Variants in DAPK1 observed in about 807,000 individuals in gnomAD.
DAPK1 encodes the protein death associated protein kinase 1, also known as death-associated protein kinase 1.
In DAPK1, 56 loss-of-function variants were observed where a neutral mutation model predicts 144.9. The observed-to-expected ratio is 0.39, with a 90% CI of 0.31 to 0.48. DAPK1 has a LOEUF of 0.48. Ranked by LOEUF, DAPK1 falls within the 20% of genes least tolerant of loss-of-function variation. The pLI, the probability that DAPK1 is intolerant of heterozygous loss-of-function variation, is 0.95. For missense variants in DAPK1, 1,454 were observed against 1,875.4 expected (o/e 0.78, Z 4.15); for synonymous variants, 690 against 749.0 (o/e 0.92, Z 1.29).
intron 19 of DAPK1, 32 bp downstream of exon 19, chr9:87,668,706 C>G (rs924052406): frequency 4.3e-6 from 4 of 934,194 alleles, no homozygotes; most frequent in Non-Finnish European, 7.2e-6. Flanking sequence ...CTGAAGTTCT[C>G]TACCTGTGTT....
chr9:87,662,108 G>C (rs1380308179), intron 18 of DAPK1, among the ~76,000 whole-genome samples: 1 of 152,146 alleles, frequency 6.6e-6, no homozygotes. Flanking sequence ...GTTCTTATCA[G>C]TTTTGTCAGA....
intron 14 of DAPK1, among the ~76,000 whole-genome samples, chr9:87,647,839 A>G (rs555190647): frequency 1.3e-5 from 2 of 152,360 alleles, no homozygotes; most frequent in African/African-American, 4.8e-5. Flanking sequence ...ACATAAAGTA[A>G]TAAAGTAAGG....
At chr9:87,599,588 A>G (rs1828439683) in intron 2 of DAPK1, among the ~76,000 whole-genome samples, 1 of 152,230 alleles carries the variant, frequency 6.6e-6, no homozygotes, top group Non-Finnish European at 1.5e-5. Context: ...TCTGACCATG[A>G]GTAGTTAATA....
At chr9:87,608,738 T>C (rs966540762) in intron 3 of DAPK1, among the ~76,000 whole-genome samples, 2 of 152,216 alleles carry the variant, frequency 1.3e-5, no homozygotes, top group African/African-American at 4.8e-5. Context: ...GCGATCTCAC[T>C]AGGAACAGCT....
chr9:87,618,718 C>T (rs906022071), intron 3 of DAPK1, among the ~76,000 whole-genome samples: 1 of 150,882 alleles, frequency 6.6e-6, no homozygotes, highest in African/African-American at 2.4e-5. Context: ...TCTGTGGAGA[C>T]ACAAAGTAGC....
chr9:87,707,408 C>G lies in DAPK1; in HGVS notation c.*44C>G, dbSNP rs1272631706. The G allele has an allele frequency of 7.3e-7, 1 of 1,371,398 alleles. No homozygotes were observed. Among genetic ancestry groups the G allele is most frequent in the Non-Finnish European group, 1.0e-6 (1 of 987,698 alleles). 85.0% of individuals were successfully genotyped at this position (1,371,398 alleles called of 1,614,324 possible). ...GCAGGGTCTGTTTGGACTGCAGAAG[C>G]AAGGGGGTGATGTAGCCCATCCTTC... is the stretch of plus-strand genomic sequence containing the variant. On this transcript the variant is annotated 3_prime_UTR_variant, in exon 26 of 26. Coordinates refer to ENST00000408954, the MANE Select transcript of DAPK1 (RefSeq NM_004938.4). This position sits in a 1 kb window ranked among gnomAD's most constrained non-coding sequence, Gnocchi z 4.0.
At position 87,605,031 on chromosome 9, in the gene DAPK1, G is replaced by T; in HGVS notation, c.140G>T (p.Arg47Met). The change falls in exon 3 of 26, where the codon AGG becomes ATG. Residue 47 changes from arginine (R) to methionine (M), a missense_variant. Arg to Met is a moderately conservative substitution (Grantham distance 91). Around this residue, in one of 2 missense-constraint regions of DAPK1, gnomAD observed 429 missense variants for 637.5 expected, o/e 0.67. Coordinates refer to ENST00000408954, the MANE Select transcript of DAPK1 (RefSeq NM_004938.4). ...LQYAAKFIKKRRTKSSRRGVS... is the reference protein window; with the variant it reads ...LQYAAKFIKKMRTKSSRRGVS... ...TATGCCGCCAAATTCATCAAGAAAA[G>T]GAGGACTAAGTCCAGCCGGCGGGGT... 2 of 1,614,224 alleles carry T rather than the reference G, an allele frequency of 1.2e-6. No homozygotes were observed. The highest frequency in any genetic ancestry group is 1.7e-6 in the Non-Finnish European group (2 of 1,180,034).
At chr9:87,578,293 A>G (rs533246134) in intron 2 of DAPK1, among the ~76,000 whole-genome samples, 1 of 152,208 alleles carries the variant, frequency 6.6e-6, no homozygotes, top group South Asian at 2.1e-4. Flanking sequence ...TGCATTTTTA[A>G]CCGAATATTA....
chr9:87,694,522 G>A (rs1372672835), intron 21 of DAPK1, among the ~76,000 whole-genome samples: 1 of 152,236 alleles, frequency 6.6e-6, no homozygotes, highest in African/African-American at 2.4e-5. Flanking sequence ...ACTGGGAAGA[G>A]TGGTCCTGCT....
chr9:87,596,942 T>C (rs1828338808), intron 2 of DAPK1, among the ~76,000 whole-genome samples: 3 of 152,138 alleles, frequency 2.0e-5, no homozygotes, highest in Admixed American at 2.0e-4. Context: ...GCTGGACCTA[T>C]AGCCATCTGA....
chr9:87,596,409 G>A (rs546392190), intron 2 of DAPK1, among the ~76,000 whole-genome samples: 108 of 152,348 alleles, frequency 7.1e-4, no homozygotes, highest in African/African-American at 2.5e-3. Flanking sequence ...AAAGTTGGAG[G>A]CCAGCAATAA....
At chr9:87,541,163 T>C (rs1002147857) in intron 2 of DAPK1, among the ~76,000 whole-genome samples, 1 of 152,214 alleles carries the variant, frequency 6.6e-6, no homozygotes, top group Non-Finnish European at 1.5e-5. Context: ...TATTGGTTCC[T>C]ACTTTTATTC....
chr9:87,662,794 T>C (rs1003190620), intron 18 of DAPK1, among the ~76,000 whole-genome samples: 6 of 152,048 alleles, frequency 3.9e-5, no homozygotes, highest in African/African-American at 1.5e-4. Context: ...ACTTCCTCTT[T>C]TCCAATTTGG....
At chr9:87,515,394 A>G (rs966606308) in intron 2 of DAPK1, among the ~76,000 whole-genome samples, 1 of 152,208 alleles carries the variant, frequency 6.6e-6, no homozygotes, top group Admixed American at 6.5e-5. Flanking sequence ...GCTTAAAGAG[A>G]TTAAATAATT....
At chr9:87,612,559 T>C (rs954680380) in intron 3 of DAPK1, among the ~76,000 whole-genome samples, 3 of 152,216 alleles carry the variant, frequency 2.0e-5, no homozygotes, top group Admixed American at 2.0e-4. Context: ...CCACCCCATG[T>C]GTGGTCCTTT....
At chr9:87,579,024 C>G (rs1167401017) in intron 2 of DAPK1, among the ~76,000 whole-genome samples, 1 of 152,154 alleles carries the variant, frequency 6.6e-6, no homozygotes, top group Non-Finnish European at 1.5e-5. Flanking sequence ...TCATAAAGGC[C>G]CTTAATAAAT....
chr9:87,676,019 G>A (rs9410940), intron 19 of DAPK1, among the ~76,000 whole-genome samples: 67,632 of 151,808 alleles, frequency 0.45, 17,317 homozygotes, highest in South Asian at 0.62. Flanking sequence ...CACCCTGGAT[G>A]CCCCAGGTCT....
In DAPK1 at chr9:87,672,307, A is replaced by G. The variant is rs143759825; in HGVS notation, c.2001+3633A>G. 8.3e-3 allele frequency among the ~76,000 whole-genome samples: 1,267 copies of G among 152,324 alleles called. 12 individuals carry two copies. Among genetic ancestry groups the G allele is most frequent in the Non-Finnish European group, 0.012 (850 of 68,026 alleles). On this transcript the variant is annotated intron_variant, in intron 19 of 25. Transcript: ENST00000408954. ...TGTGATTTTACAACACACAGTTTGT[A>G]AAGGTTTACAGAGGGGAATGTTGCT...
intron 25 of DAPK1, 29 bp downstream of exon 25, chr9:87,703,246 C>T: frequency 3.6e-6 from 5 of 1,399,354 alleles, no homozygotes; most frequent in African/African-American, 2.8e-5. Flanking sequence ...AGGCAGGGGG[C>T]CGTGAGAGGT....
Sources: gnomAD v4.1 joint callset for allele counts (sites outside exome capture counted in the v4.1 genomes callset) on GRCh38, gnomAD v4.1.1 for gene constraint, gnomAD v4.1.1 regional missense constraint, Gnocchi (gnomAD v3.1) non-coding constraint, MANE v1.5 for transcripts, NCBI Gene and HGNC (gene_info 2026-07-23, HGNC 2026-07-21) for gene names.